Variants in FRMD5 observed in about 807,000 individuals in gnomAD.
FRMD5 encodes the protein FERM domain-containing protein 5.
A neutral mutation model predicts 69.0 loss-of-function variants in FRMD5; 20 were observed. The ratio of observed to expected loss-of-function variants is 0.29; its 90% CI spans 0.20 to 0.42. FRMD5 has a LOEUF of 0.42. FRMD5 is among the 10% of genes least tolerant of loss of function. FRMD5 has a pLI of 1.00. For synonymous variants in FRMD5, 271 were observed against 260.1 expected (o/e 1.04, Z -0.40); for missense variants, 595 against 708.6 (o/e 0.84, Z 1.82).
chr15:43,974,247 G>A (rs2090431072), intron 1 of FRMD5, among the ~76,000 whole-genome samples: 1 of 152,064 alleles, frequency 6.6e-6, no homozygotes, highest in Admixed American at 6.6e-5. Context: ...GGGTGAATGA[G>A]AGTTTGCCAA....
intron 13 of FRMD5, among the ~76,000 whole-genome samples, chr15:43,879,170 C>G (rs925439585): frequency 3.3e-5 from 5 of 152,052 alleles, no homozygotes; most frequent in Non-Finnish European, 7.4e-5. Context: ...CTCCTGACCT[C>G]AAGTGATCTG....
intron 1 of FRMD5, among the ~76,000 whole-genome samples, chr15:44,042,717 G>T (rs1595662586): frequency 6.6e-6 from 1 of 152,052 alleles, no homozygotes; most frequent in Non-Finnish European, 1.5e-5. Context: ...GGCCTTTGAC[G>T]AAATTCAACA....
chr15:44,133,282 A>G (rs908208603), intron 1 of FRMD5, among the ~76,000 whole-genome samples: 2 of 151,938 alleles, frequency 1.3e-5, no homozygotes, highest in Non-Finnish European at 2.9e-5. Context: ...TTAGTACTAT[A>G]AAAAACTGAA....
chr15:43,904,681 C>T (rs1247160883), intron 6 of FRMD5, among the ~76,000 whole-genome samples: 1 of 149,056 alleles, frequency 6.7e-6, no homozygotes, highest in Admixed American at 6.7e-5. Flanking sequence ...GCTTGGCCAA[C>T]ACTGCATTCT....
chr15:44,117,183 T>C (rs1241686612), intron 1 of FRMD5, among the ~76,000 whole-genome samples: 1 of 152,154 alleles, frequency 6.6e-6, no homozygotes, highest in Non-Finnish European at 1.5e-5. Flanking sequence ...ACCCAGTTAA[T>C]TTGCCTTCAC....
At position 43,873,358 on chromosome 15, in the gene FRMD5, A is replaced by T. The variant is rs2088216857; in HGVS notation, c.*527T>A. 2 of 1,470,182 alleles carry T rather than the reference A, an allele frequency of 1.4e-6. No homozygotes were observed. The highest frequency in any genetic ancestry group is 1.8e-6 in the Non-Finnish European group (2 of 1,118,364). The allele number at this position is 1,470,182 out of a possible 1,614,324, so 91.1% of individuals were successfully genotyped here. Reference sequence around the variant, plus strand: ...GGCTGGCAAAAAAAACAAACAAAAAACTAAACAGTCCCCATTGTCCAGATC... The same window carrying T: ...GGCTGGCAAAAAAAACAAACAAAAATCTAAACAGTCCCCATTGTCCAGATC... On this transcript the variant is annotated 3_prime_UTR_variant, in exon 14 of 14. Transcript: ENST00000417257.
At chr15:43,881,734 A>ATT (rs2140349944) in intron 13 of FRMD5, among the ~76,000 whole-genome samples, 1 of 152,334 alleles carries the variant, frequency 6.6e-6, no homozygotes, top group South Asian at 2.1e-4. Context: ...AAATGGAGCA[A>ATT]TGAAGATACT....
intron 8 of FRMD5, among the ~76,000 whole-genome samples, chr15:43,889,665 T>G (rs1595485475): frequency 6.6e-6 from 1 of 152,166 alleles, no homozygotes; most frequent in South Asian, 2.1e-4. Flanking sequence ...TTGGTTACAT[T>G]TGCAAAACGG....
At chr15:43,989,122 C>T (rs1042684922) in intron 1 of FRMD5, 1 of 1,001,540 alleles carries the variant, frequency 1.0e-6, no homozygotes, top group Non-Finnish European at 1.6e-6. Context: ...CTTGCTGATC[C>T]ACATCTGCTG....
chr15:43,967,194 T>C (rs1238526240), intron 1 of FRMD5, among the ~76,000 whole-genome samples: 2 of 148,134 alleles, frequency 1.4e-5, no homozygotes, highest in South Asian at 2.1e-4. Flanking sequence ...TATATAAACA[T>C]ATATAATCAT....
At chr15:44,183,298 C>T (rs373301067) in intron 1 of FRMD5, among the ~76,000 whole-genome samples, 41 of 152,160 alleles carry the variant, frequency 2.7e-4, no homozygotes, top group East Asian at 1.9e-3. Flanking sequence ...CATGCTAAAA[C>T]GCTCCTGTTA....
intron 4 of FRMD5, among the ~76,000 whole-genome samples, chr15:43,913,964 T>G (rs2089336390): frequency 6.6e-6 from 1 of 152,184 alleles, no homozygotes; most frequent in Admixed American, 6.5e-5. Flanking sequence ...GAAACTGGTT[T>G]TTTGTTTTTT....
At chr15:44,129,401 G>T (rs1308792299) in intron 1 of FRMD5, among the ~76,000 whole-genome samples, 1 of 152,170 alleles carries the variant, frequency 6.6e-6, no homozygotes, top group Non-Finnish European at 1.5e-5. Context: ...AGGAATCACA[G>T]ACTTTATCCC....
At chr15:43,903,470 CTG>C (rs1394633486) in intron 6 of FRMD5, among the ~76,000 whole-genome samples, 1 of 152,190 alleles carries the variant, frequency 6.6e-6, no homozygotes, top group African/African-American at 2.4e-5. Flanking sequence ...AGTATACAGT[CTG>C]TGCTCTCAAA....
At chr15:44,129,575 G>A (rs532218735) in intron 1 of FRMD5, among the ~76,000 whole-genome samples, 218 of 151,996 alleles carry the variant, frequency 1.4e-3, no homozygotes, top group African/African-American at 5.1e-3. Flanking sequence ...GAGGTTCTCT[G>A]CAGTCCCCAG....
intron 12 of FRMD5, 25 bp downstream of exon 12, chr15:43,884,702 T>A (rs371219015): frequency 6.2e-7 from 1 of 1,608,416 alleles, no homozygotes. Context: ...TACAACTGTT[T>A]GGGGGGAAGC....
intron 1 of FRMD5, among the ~76,000 whole-genome samples, chr15:44,180,757 C>G (rs2077985600): frequency 6.6e-6 from 1 of 152,136 alleles, no homozygotes; most frequent in South Asian, 2.1e-4. Context: ...TGCACTCCAG[C>G]CTGGATGACA....
At chr15:44,086,506 C>T (rs1894202639) in intron 1 of FRMD5, among the ~76,000 whole-genome samples, 1 of 152,072 alleles carries the variant, frequency 6.6e-6, no homozygotes, top group Non-Finnish European at 1.5e-5. Context: ...CCAGAATAGG[C>T]AAATCTACAG....
intron 1 of FRMD5, among the ~76,000 whole-genome samples, chr15:44,004,754 G>C (rs1890362969): frequency 6.6e-6 from 1 of 152,214 alleles, no homozygotes; most frequent in Admixed American, 6.5e-5. Flanking sequence ...GTTCAAGTAA[G>C]AGGAAAAGTC....
Sources: allele counts gnomAD v4.1 joint callset (sites outside exome capture counted in the v4.1 genomes callset), GRCh38; gene constraint gnomAD v4.1.1; transcripts MANE v1.5; gene names NCBI Gene and HGNC (gene_info 2026-07-23, HGNC 2026-07-21).